The following FMR1 variants were observed in gnomAD, a reference collection of about 807,000 sequenced individuals.
FMR1 encodes fragile X messenger ribonucleoprotein 1.
Under a neutral mutation model 50.6 loss-of-function variants are expected in FMR1, and 13 were observed. The ratio of observed to expected loss-of-function variants is 0.26; its 90% CI spans 0.17 to 0.41. The LOEUF (loss-of-function observed/expected upper bound fraction) is 0.41. Ranked by LOEUF, FMR1 falls within the 10% of genes least tolerant of loss-of-function variation. The probability of loss-of-function intolerance (pLI) is 1.00; values close to 1 mark genes in which losing one functional copy is unlikely to be tolerated. For synonymous variants in FMR1, 138 were observed against 164.1 expected, an observed-to-expected ratio of 0.84 and a Z score of 1.22; for missense variants, 316 against 491.3, an observed-to-expected ratio of 0.64 and a Z score of 3.37.
intron 14 of FMR1, chrX:147,944,087 TG>T: frequency 1.5e-6 from 1 of 655,451 alleles, no homozygotes; most frequent in Non-Finnish European, 1.8e-6. Context: ...GCTGATATTC[TG>T]GAGTTGGGGA....
intron 1 of FMR1, chrX:147,913,942 A>G (rs1380013960): frequency 8.9e-6 from 1 of 111,948 alleles, no homozygotes; most frequent in African/African-American, 3.2e-5. Flanking sequence ...TTGACCTGTG[A>G]TATAAACTTA....
In FMR1 at chrX:147,937,519, T is replaced by A; in HGVS notation, c.1044T>A (p.Asn348Lys). 1 of 1,204,022 alleles carries A rather than the reference T, an allele frequency of 8.3e-7. No individual in the cohort carries two copies. Among genetic ancestry groups the A allele is most frequent in the Non-Finnish European group, 1.1e-6 (1 of 889,056 alleles). ...CCAATAATTCAAGGGTTGGACCTAA[T>A]GCCCCAGAAGAAAAAAAACATTTAG... ...LPSNNSRVGP[N>K]APEEKKHLDI... Residue 348 changes from asparagine (N) to lysine (K), a missense_variant, in exon 11 of 17, where the codon AAT (asparagine) becomes AAA (lysine). Physicochemically the swap from Asn to Lys is moderately conservative, Grantham distance 94. This residue lies in a region of FMR1 where 53 missense variants were observed against 51.5 expected (regional missense o/e 1.03). Coordinates refer to ENST00000370475, the MANE Select transcript of FMR1 (RefSeq NM_002024.6).
At chrX:147,932,083 G>A (rs1180717562) in intron 7 of FMR1, among the ~76,000 whole-genome samples, 3 of 111,651 alleles carry the variant, frequency 2.7e-5, no homozygotes, top group African/African-American at 9.7e-5. Context: ...GAGTGAGCTG[G>A]TTTTTACTGG....
chrX:147,934,917 T>C lies in FMR1; in HGVS notation c.881-1587T>C, dbSNP rs986597408. 2.5e-4 allele frequency among the ~76,000 whole-genome samples: 28 copies of C among 111,882 alleles called. 3 individuals are homozygous for C. The highest frequency in any genetic ancestry group is 2.3e-3 in the Admixed American group (24 of 10,545). On this transcript the variant is annotated intron_variant, in intron 9 of 16. Transcript: ENST00000370475. The stretch of plus-strand genomic sequence containing the variant: ...TATTTTTCACAAACTCTCTTTGGTA[T>C]GTGCACTAATTTATCTTTTCATTAA...
rs1557183673 is a variant in FMR1, at chrX:147,950,969, G to A, written c.*2125G>A. 1.1e-5 allele frequency: 3 copies of A among 267,976 alleles called. No homozygotes were observed. Among genetic ancestry groups the A allele is most frequent in the Middle Eastern group, 1.3e-3 (1 of 796 alleles). 22.1% of individuals were successfully genotyped at this position (267,976 alleles called of 1,213,427 possible). A position where few individuals can be genotyped will look rare whatever the true frequency, so the allele number is the denominator to read the frequency against. ...TCACATGTTTTCAAATGGAGTTGGA[G>A]TTCATTCATATTACAATATTTGTGT... is the stretch of plus-strand genomic sequence containing the variant. On this transcript the variant is annotated 3_prime_UTR_variant, in exon 17 of 17. Transcript: ENST00000370475.
At chrX:147,935,358 A>T (rs782646685) in intron 9 of FMR1, among the ~76,000 whole-genome samples, 1 of 112,307 alleles carries the variant, frequency 8.9e-6, no homozygotes, top group Admixed American at 9.4e-5. Flanking sequence ...AGCCACAAGA[A>T]TTTTTTGTGA....
Position 147,943,338 on chromosome X carries a change from G to A in FMR1, c.1471+12G>A, listed in dbSNP as rs782003519. On this transcript the variant is annotated intron_variant, in intron 14 of 16. Transcript: ENST00000370475. Reference sequence around the variant, plus strand: ...TGGATATACTTCAGGTACAAACTAAGCATTTTACTCAGTAACTTTATCTGT... The same window carrying A: ...TGGATATACTTCAGGTACAAACTAAACATTTTACTCAGTAACTTTATCTGT... 1.7e-5 allele frequency: 20 copies of A among 1,178,524 alleles called. No homozygotes were observed. In the East Asian group the frequency reaches 4.5e-4, roughly 26 times the overall value.
intron 1 of FMR1, 51 bp downstream of exon 1, chrX:147,912,281 T>C: frequency 9.1e-7 from 1 of 1,100,908 alleles, no homozygotes; most frequent in Non-Finnish European, 1.2e-6. Context: ...CCCTCCCTTT[T>C]CTTCTTGGTG....
chrX:147,948,584 CAT>C (rs1398563955), intron 16 of FMR1, 97 bp from the exon 17 acceptor site: 6 of 1,181,576 alleles, frequency 5.1e-6, no homozygotes, highest in Non-Finnish European at 6.8e-6. Context: ...CTCTTTTTAA[CAT>C]GTGGAATTTA....
intron 16 of FMR1, among the ~76,000 whole-genome samples, chrX:147,946,407 C>G (rs527666552): frequency 5.3e-5 from 6 of 112,418 alleles, no homozygotes; most frequent in African/African-American, 1.6e-4. Context: ...CTTGGTCAGT[C>G]ATCTGCTTAT....
At chrX:147,928,493 A>G (rs1469894619) in intron 4 of FMR1, 100 bp downstream of exon 4, 1 of 758,321 alleles carries the variant, frequency 1.3e-6, no homozygotes, top group Non-Finnish European at 2.0e-6. Context: ...AGTAATATCT[A>G]ATTTTGAGTA....
chrX:147,929,644 C>A (rs2043521389), intron 5 of FMR1, among the ~76,000 whole-genome samples: 1 of 109,655 alleles, frequency 9.1e-6, no homozygotes, highest in Non-Finnish European at 1.9e-5. Context: ...AAATCAGATA[C>A]CCTGTAGGTA....
intron 1 of FMR1, among the ~76,000 whole-genome samples, chrX:147,916,904 T>A (rs1557175344): frequency 9.0e-6 from 1 of 111,398 alleles, no homozygotes; most frequent in African/African-American, 3.3e-5. Context: ...TTCCTGGCTA[T>A]TTTTTGCATT....
intron 15 of FMR1, 64 bp from the exon 16 acceptor site, chrX:147,945,470 A>G (rs1167900356): frequency 3.3e-6 from 3 of 904,557 alleles, no homozygotes; most frequent in Admixed American, 2.2e-5. Context: ...GTGTGGGAAT[A>G]AAGAACTTCC....
intron 1 of FMR1, among the ~76,000 whole-genome samples, chrX:147,920,024 G>A (rs1028473695): frequency 3.6e-5 from 4 of 112,180 alleles, no homozygotes; most frequent in Non-Finnish European, 5.6e-5. Context: ...TGAGGACACC[G>A]AAGTTAGAGA....
intron 16 of FMR1, among the ~76,000 whole-genome samples, chrX:147,946,447 T>C (rs782651740): frequency 8.9e-6 from 1 of 112,616 alleles, no homozygotes; most frequent in South Asian, 3.7e-4. Flanking sequence ...CGAGGATCTC[T>C]TCTCAATTGG....
In FMR1 at chrX:147,951,084, TA is replaced by T; in HGVS notation, c.*2243del. On this transcript the variant is annotated 3_prime_UTR_variant, in exon 17 of 17. Coordinates refer to ENST00000370475, the MANE Select transcript of FMR1 (RefSeq NM_002024.6). Reference sequence around the variant, plus strand: ...AATCTGAAGATTGTTTATCTAGATGTAAATTTTTATTAAAAAGTTGCACTTA... The same window carrying T: ...AATCTGAAGATTGTTTATCTAGATGTAATTTTTATTAAAAAGTTGCACTTA... The T allele has an allele frequency of 4.3e-6, 1 of 233,413 alleles. No homozygotes were observed. The highest frequency in any genetic ancestry group is 8.1e-6 in the Non-Finnish European group (1 of 123,101). The allele number at this position is 233,413 out of a possible 1,213,427, so 19.2% of individuals were successfully genotyped here. A position where few individuals can be genotyped will look rare whatever the true frequency, so the allele number is the denominator to read the frequency against.
At chrX:147,932,301 C>T in intron 7 of FMR1, 124 bp from the exon 8 acceptor site, 1 of 631,179 alleles carries the variant, frequency 1.6e-6, no homozygotes, top group Non-Finnish European at 2.6e-6. Context: ...TAGTTTTAAC[C>T]TAAAACTATT....
At chrX:147,934,233 G>C (rs1490987705) in intron 9 of FMR1, among the ~76,000 whole-genome samples, 1 of 109,102 alleles carries the variant, frequency 9.2e-6, no homozygotes, top group African/African-American at 3.4e-5. Flanking sequence ...CAAATGAGTA[G>C]AGAATTATGT....
Sources: gnomAD v4.1 joint callset for allele counts (sites outside exome capture counted in the v4.1 genomes callset) on GRCh38, gnomAD v4.1.1 for gene constraint, gnomAD v4.1.1 regional missense constraint, MANE v1.5 for transcripts, NCBI Gene and HGNC (gene_info 2026-07-23, HGNC 2026-07-21) for gene names.